TXNL4A: variants seen among roughly 807,000 people sequenced by gnomAD.
The protein encoded by TXNL4A is thioredoxin like 4A.
TXNL4A carries 17 observed loss-of-function variants against 14.6 expected under a neutral mutation model. The observed-to-expected ratio is 1.16, with a 90% confidence interval of 0.80 to 1.74. The LOEUF (loss-of-function observed/expected upper bound fraction) is 1.74, where lower values mean the gene tolerates loss of function less well. Ranked by LOEUF, TXNL4A falls within the 40% of genes most tolerant of loss-of-function variation. TXNL4A has a pLI of 0.00. For missense variants in TXNL4A, 74 were observed against 195.2 expected (o/e 0.38, Z 3.70); for synonymous variants, 83 against 70.6 (o/e 1.18, Z -0.88).
intron 1 of TXNL4A, 127 bp downstream of exon 1, chr18:79,988,113 G>T (rs1275492159): frequency 1.7e-6 from 2 of 1,172,722 alleles, no homozygotes; most frequent in Non-Finnish European, 2.2e-6. Context: ...GGGAGGAATC[G>T]CCTGAACGAC....
intron 1 of TXNL4A, among the ~76,000 whole-genome samples, chr18:80,033,196 CAT>C (rs970378105): frequency 7.9e-5 from 12 of 152,186 alleles, no homozygotes; most frequent in African/African-American, 1.2e-4. Flanking sequence ...TACACACACA[CAT>C]ATATACGCGC....
chr18:79,994,167 T>A (rs9944963), intron 1 of TXNL4A, among the ~76,000 whole-genome samples: 6,653 of 152,238 alleles, frequency 0.044, 487 homozygotes, highest in African/African-American at 0.15. Flanking sequence ...GTCATGCAAA[T>A]ATTTAACCAA....
At chr18:79,988,210 C>G in intron 1 of TXNL4A, 30 bp downstream of exon 1, 2 of 1,485,788 alleles carry the variant, frequency 1.3e-6, no homozygotes, top group Non-Finnish European at 1.8e-6. Flanking sequence ...GGAAGCACAG[C>G]CCGCAGAGCG....
At chr18:80,027,586 A>G (rs569867947) in intron 1 of TXNL4A, among the ~76,000 whole-genome samples, 2 of 152,212 alleles carry the variant, frequency 1.3e-5, no homozygotes, top group Admixed American at 1.3e-4. Flanking sequence ...GGGTATACAC[A>G]AAGTCCCACT....
chr18:80,016,386 T>G (rs11504776), intron 1 of TXNL4A, among the ~76,000 whole-genome samples: 1 of 150,472 alleles, frequency 6.6e-6, no homozygotes, highest in South Asian at 2.1e-4. Context: ...ATTTGTCAAT[T>G]TTGGCTTTTG....
chr18:80,009,671 G>A (rs1189344246), intron 1 of TXNL4A, among the ~76,000 whole-genome samples: 1 of 152,202 alleles, frequency 6.6e-6, no homozygotes, highest in East Asian at 1.9e-4. Flanking sequence ...AGGAAGTGAA[G>A]TGCACTTGCA....
chr18:79,973,423 T>A lies in TXNL4A; in HGVS notation c.*262A>T, dbSNP rs2051330004. 1 of 412,706 alleles carries A rather than the reference T, an allele frequency of 2.4e-6. No individual in the cohort carries two copies. The highest frequency in any genetic ancestry group is 4.0e-5 in the East Asian group (1 of 25,158). The allele number at this position is 412,706 out of a possible 1,614,324, so 25.6% of individuals were successfully genotyped here. A position where few individuals can be genotyped will look rare whatever the true frequency, so the allele number is the denominator to read the frequency against. On this transcript the variant is annotated 3_prime_UTR_variant, in exon 3 of 3. Transcript: ENST00000269601. ...GCACAGGCTCACAGGATAAACACCT[T>A]CGTTTTACTCCAAGGGTAAGAATTA...
intron 1 of TXNL4A, among the ~76,000 whole-genome samples, chr18:80,024,415 G>A (rs752265294): frequency 6.6e-5 from 10 of 152,102 alleles, no homozygotes; most frequent in Admixed American, 4.6e-4. Flanking sequence ...CTTAGAAATC[G>A]TATATTTTGT....
chr18:79,980,628 C>T (rs1351555018), intron 1 of TXNL4A, among the ~76,000 whole-genome samples: 1 of 152,124 alleles, frequency 6.6e-6, no homozygotes, highest in Non-Finnish European at 1.5e-5. Context: ...AGGGGGAAAG[C>T]CCACACTTCA....
intron 1 of TXNL4A, among the ~76,000 whole-genome samples, chr18:80,018,974 G>T (rs769699994): frequency 2.0e-5 from 3 of 152,150 alleles, no homozygotes; most frequent in Non-Finnish European, 4.4e-5. Context: ...ACCTCAGCTA[G>T]AATTTTATTG....
Position 79,977,594 on chromosome 18 carries a change from G to T in TXNL4A, c.257+4C>A. ...ATTTCAGTAACAACTTTAAGATAAC[G>T]TACCTGAAGAAAAACATGACAGTAC... On this transcript the variant is annotated splice_donor_region_variant and intron_variant, in intron 2 of 2. Coordinates refer to ENST00000269601, the MANE Select transcript of TXNL4A (RefSeq NM_006701.5). The T allele has an allele frequency of 6.3e-7, 1 of 1,591,278 alleles. No individual in the cohort carries two copies. Among genetic ancestry groups the T allele is most frequent in the Non-Finnish European group, 8.6e-7 (1 of 1,166,728 alleles).
chr18:80,027,668 TG>T (rs2051893701), intron 1 of TXNL4A, among the ~76,000 whole-genome samples: 2 of 152,212 alleles, frequency 1.3e-5, no homozygotes, highest in Non-Finnish European at 2.9e-5. Context: ...TCATTCAGTA[TG>T]TAGGTGACCT....
intron 1 of TXNL4A, among the ~76,000 whole-genome samples, chr18:80,018,423 G>T (rs1239398435): frequency 1.3e-5 from 2 of 152,118 alleles, no homozygotes. Flanking sequence ...GCAATTAAAA[G>T]AACTAGAAAA....
chr18:80,008,110 C>A (rs1487221720), intron 1 of TXNL4A, among the ~76,000 whole-genome samples: 1 of 152,178 alleles, frequency 6.6e-6, no homozygotes, highest in Non-Finnish European at 1.5e-5. Context: ...CGTGACTGCA[C>A]CTCTGCACTC....
intron 1 of TXNL4A, among the ~76,000 whole-genome samples, chr18:80,008,772 T>G (rs973389486): frequency 6.6e-6 from 1 of 151,376 alleles, no homozygotes; most frequent in Admixed American, 6.6e-5. Flanking sequence ...CTACTTCATT[T>G]TTCTTTCTTT....
Position 79,994,503 on chromosome 18 carries a change from A to C in TXNL4A, c.-60-16802T>G, listed in dbSNP as rs554080593. Among the ~76,000 whole-genome samples, 35 of 151,828 alleles carry C rather than the reference A, an allele frequency of 2.3e-4. No individual in the cohort carries two copies. In the South Asian group the frequency reaches 7.3e-3, roughly 32 times the overall value. Reference sequence around the variant, plus strand: ...ACAAACAACTCAGAACTGCCAATCGAGAACTCTCTAATCGTTTTATCTCTC... The same window carrying C: ...ACAAACAACTCAGAACTGCCAATCGCGAACTCTCTAATCGTTTTATCTCTC... On this transcript the variant is annotated intron_variant, in intron 1 of 2. Coordinates refer to the TXNL4A transcript ENST00000585474.
intron 1 of TXNL4A, among the ~76,000 whole-genome samples, chr18:79,983,455 T>C (rs1037154861): frequency 6.6e-6 from 1 of 152,184 alleles, no homozygotes; most frequent in Non-Finnish European, 1.5e-5. Flanking sequence ...ACCTGCCAAG[T>C]TACAATGACA....
chr18:80,020,532 T>G (rs146620672), intron 1 of TXNL4A, among the ~76,000 whole-genome samples: 8 of 152,206 alleles, frequency 5.3e-5, no homozygotes, highest in South Asian at 2.1e-4. Context: ...GGTAACCAAA[T>G]GGCTGCTGGG....
rs568129802 is a variant in TXNL4A, at chr18:79,982,117, G to A, written c.154-4416C>T. Among the ~76,000 whole-genome samples, 55 of 152,250 alleles carry A rather than the reference G, an allele frequency of 3.6e-4. No individual in the cohort carries two copies. The highest frequency in any genetic ancestry group is 1.3e-3 in the African/African-American group (52 of 41,538). ...GGAGACGGGGCGGCAGTGTGGTCAC[G>A]GGGTGGCAGGGAAATATCTGTCCTT... On this transcript the variant is annotated intron_variant, in intron 1 of 2. Coordinates refer to ENST00000269601, the MANE Select transcript of TXNL4A (RefSeq NM_006701.5). The surrounding 1 kb of genome is among the most constrained non-coding windows in gnomAD (Gnocchi z 4.0).
Sources: gnomAD v4.1 joint callset for allele counts (sites outside exome capture counted in the v4.1 genomes callset) on GRCh38, gnomAD v4.1.1 for gene constraint, Gnocchi (gnomAD v3.1) non-coding constraint, MANE v1.5 for transcripts, NCBI Gene and HGNC (gene_info 2026-07-23, HGNC 2026-07-21) for gene names.